INPP4B: variants seen among roughly 807,000 people sequenced by gnomAD.
INPP4B encodes the protein inositol polyphosphate-4-phosphatase type II B.
A neutral mutation model predicts 122.5 loss-of-function variants in INPP4B; 55 were observed. The ratio of observed to expected loss-of-function variants is 0.45; its 90% CI spans 0.36 to 0.56. INPP4B has a LOEUF of 0.56. Ranked by LOEUF, INPP4B falls within the 20% of genes least tolerant of loss-of-function variation. The pLI is 0.00. For missense variants in INPP4B, 1,000 were observed against 1,097.7 expected, an observed-to-expected ratio of 0.91 and a Z score of 1.26; for synonymous variants, 403 against 388.7, an observed-to-expected ratio of 1.04 and a Z score of -0.43.
At chr4:142,405,158 CAAGAGA>C (rs1562026496) in intron 6 of INPP4B, 42 bp downstream of exon 6, 4 of 819,668 alleles carry the variant, frequency 4.9e-6, no homozygotes, top group South Asian at 1.8e-5. Context: ...AGCGAGCCAG[CAAGAGA>C]GAGAGAGAGA....
chr4:142,493,797 G>T lies in INPP4B; in HGVS notation c.-190-31071C>A, dbSNP rs185414744. 2.0e-4 allele frequency among the ~76,000 whole-genome samples: 31 copies of T among 152,204 alleles called. 1 individual carries two copies. The East Asian group carries it at 3.3e-3, about 16-fold the overall frequency. The stretch of plus-strand genomic sequence containing the variant: ...TAATGCTTGAATGAGCTAAGACTTT[G>T]GGGGACTGTTGGTAAGTCATGATTG... On this transcript the variant is annotated intron_variant, in intron 2 of 25. Coordinates refer to ENST00000262992, the MANE Select transcript of INPP4B (RefSeq NM_001101669.3).
In INPP4B at chr4:142,339,471, A is replaced by T. The variant is rs549043217; in HGVS notation, c.373-24709T>A. 7.9e-5 allele frequency among the ~76,000 whole-genome samples: 12 copies of T among 152,346 alleles called. No homozygotes were observed. In the East Asian group the frequency reaches 2.3e-3, roughly 29 times the overall value. Reference sequence around the variant, plus strand: ...ATAAAAATTATGTTGGGCCCTGGAAATATGAAAAGTAATAAAGAACACAAT... The same window carrying T: ...ATAAAAATTATGTTGGGCCCTGGAATTATGAAAAGTAATAAAGAACACAAT... On this transcript the variant is annotated intron_variant, in intron 7 of 25. Transcript: ENST00000262992.
intron 2 of INPP4B, among the ~76,000 whole-genome samples, chr4:142,530,064 T>C (rs757933987): frequency 3.9e-5 from 6 of 152,060 alleles, no homozygotes; most frequent in Non-Finnish European, 8.8e-5. Context: ...TAGTGAATAA[T>C]ACTACTGACT....
At chr4:142,414,799 G>A (rs572550412) in intron 5 of INPP4B, among the ~76,000 whole-genome samples, 41 of 152,284 alleles carry the variant, frequency 2.7e-4, no homozygotes, top group African/African-American at 7.2e-4. Context: ...ACCGCCTATC[G>A]TTGCATTCAG....
intron 2 of INPP4B, among the ~76,000 whole-genome samples, chr4:142,519,498 C>A (rs944895742): frequency 1.3e-5 from 2 of 152,094 alleles, no homozygotes; most frequent in East Asian, 1.9e-4. Context: ...TTGTTTCATA[C>A]TATTTCAGCT....
chr4:142,841,271 G>T (rs1783453757), intron 1 of INPP4B, among the ~76,000 whole-genome samples: 1 of 151,940 alleles, frequency 6.6e-6, no homozygotes, highest in African/African-American at 2.4e-5. Flanking sequence ...TTCAATTAAA[G>T]ATCCCACTGG....
At chr4:142,718,190 A>G (rs1764050161) in intron 2 of INPP4B, among the ~76,000 whole-genome samples, 1 of 152,202 alleles carries the variant, frequency 6.6e-6, no homozygotes, top group Non-Finnish European at 1.5e-5. Context: ...GAGGTGTTTG[A>G]ATTTATGAAA....
intron 3 of INPP4B, among the ~76,000 whole-genome samples, chr4:142,434,401 T>C (rs147764788): frequency 1.3e-5 from 2 of 152,226 alleles, no homozygotes; most frequent in African/African-American, 2.4e-5. Flanking sequence ...CCTGTCTCCA[T>C]TGCAAATATA....
Position 142,086,107 on chromosome 4 carries a change from C to T in INPP4B, c.2487+37G>A, listed in dbSNP as rs763166111. ...AACTGATAATATTTGCTGGTTATGA[C>T]ATGGCAGGAAATAAGATTTGACATG... On this transcript the variant is annotated intron_variant, in intron 24 of 25. Transcript: ENST00000262992. 8.4e-6 allele frequency: 11 copies of T among 1,309,386 alleles called. No individual in the cohort carries two copies. The African/African-American group carries it at 1.6e-4, about 19-fold the overall frequency. The allele number at this position is 1,309,386 out of a possible 1,614,324, so 81.1% of individuals were successfully genotyped here.
intron 1 of INPP4B, among the ~76,000 whole-genome samples, chr4:142,781,914 C>T (rs1191682301): frequency 2.0e-5 from 3 of 152,072 alleles, no homozygotes; most frequent in Non-Finnish European, 2.9e-5. Context: ...TTACTGGTCA[C>T]TGGTTCAGCT....
At chr4:142,265,643 T>C (rs961993046) in intron 10 of INPP4B, among the ~76,000 whole-genome samples, 2 of 152,202 alleles carry the variant, frequency 1.3e-5, no homozygotes, top group Non-Finnish European at 2.9e-5. Flanking sequence ...GAGTTTACAG[T>C]TACTTTATCA....
intron 2 of INPP4B, among the ~76,000 whole-genome samples, chr4:142,532,467 C>T (rs746287613): frequency 3.3e-5 from 5 of 152,098 alleles, no homozygotes; most frequent in Non-Finnish European, 7.4e-5. Context: ...GAAATCTTTC[C>T]ATTACATGCT....
intron 1 of INPP4B, among the ~76,000 whole-genome samples, chr4:142,734,731 C>G (rs938190059): frequency 1.3e-5 from 2 of 152,096 alleles, no homozygotes; most frequent in Admixed American, 1.3e-4. Context: ...CTGCAACCTC[C>G]GCCTCCCGGG....
intron 9 of INPP4B, among the ~76,000 whole-genome samples, chr4:142,304,327 TTA>T (rs1762570277): frequency 6.6e-6 from 1 of 152,224 alleles, no homozygotes; most frequent in African/African-American, 2.4e-5. Context: ...ATAAAGATTT[TTA>T]TATGTTTTCC....
rs546830528 is a variant in INPP4B at position 142,028,052 on chromosome 4, G to C, written c.*730C>G. 1.4e-5 allele frequency: 3 copies of C among 219,376 alleles called. No individual in the cohort carries two copies. The East Asian group carries it at 2.0e-4, about 15-fold the overall frequency. 13.6% of individuals were successfully genotyped at this position (219,376 alleles called of 1,614,324 possible). A position where few individuals can be genotyped will look rare whatever the true frequency, so the allele number is the denominator to read the frequency against. The stretch of plus-strand genomic sequence containing the variant: ...ATTTGTAATTTTAGATCATTGCAGT[G>C]TTTTGCTTATCATTCTATTAAACGT... On this transcript the variant is annotated 3_prime_UTR_variant, in exon 26 of 26. Coordinates refer to ENST00000262992, the MANE Select transcript of INPP4B (RefSeq NM_001101669.3).
At chr4:142,308,936 AC>A (rs1180246820) in intron 8 of INPP4B, among the ~76,000 whole-genome samples, 1 of 152,158 alleles carries the variant, frequency 6.6e-6, no homozygotes. Context: ...CCCCAGGCTC[AC>A]CATCTACTGC....
intron 14 of INPP4B, chr4:142,202,782 CA>C (rs1841211640): frequency 1.0e-6 from 1 of 985,256 alleles, no homozygotes; most frequent in Non-Finnish European, 1.2e-6. Flanking sequence ...AAACAACAAA[CA>C]AAAACAATGA....
intron 5 of INPP4B, among the ~76,000 whole-genome samples, chr4:142,409,526 G>T (rs552654722): frequency 2.7e-4 from 33 of 121,600 alleles, no homozygotes; most frequent in Admixed American, 8.3e-4. Context: ...AATAAATAAA[G>T]AGACTCAATA....
At chr4:142,410,919 T>C (rs1318154334) in intron 5 of INPP4B, among the ~76,000 whole-genome samples, 1 of 152,238 alleles carries the variant, frequency 6.6e-6, no homozygotes, top group African/African-American at 2.4e-5. Context: ...CCTAATTTTA[T>C]ATAAAGTTAT....
Sources: allele counts gnomAD v4.1 joint callset (sites outside exome capture counted in the v4.1 genomes callset), GRCh38; gene constraint gnomAD v4.1.1; transcripts MANE v1.5; gene names NCBI Gene and HGNC (gene_info 2026-07-23, HGNC 2026-07-21).